NSD1: variants seen among roughly 807,000 people sequenced by gnomAD.
NSD1 encodes the protein histone-lysine N-methyltransferase, H3 lysine-36 specific.
A neutral mutation model predicts 242.7 loss-of-function variants in NSD1; 26 were observed. That is an observed-to-expected ratio of 0.11 (90% CI 0.08 to 0.15). The LOEUF (loss-of-function observed/expected upper bound fraction) is 0.15. Ranked by LOEUF, NSD1 falls within the 10% of genes least tolerant of loss-of-function variation. The pLI is 1.00. For synonymous variants in NSD1, 1,106 were observed against 1,178.1 expected, an observed-to-expected ratio of 0.94 and a Z score of 1.25; for missense variants, 2,495 against 3,272.8, an observed-to-expected ratio of 0.76 and a Z score of 5.80.
chr5:177,268,805 A>C (rs1757723720), intron 15 of NSD1, among the ~76,000 whole-genome samples: 1 of 152,098 alleles, frequency 6.6e-6, no homozygotes, highest in Non-Finnish European at 1.5e-5. Context: ...TATGCCCCTG[A>C]GATTCATCAT....
chr5:177,206,034 C>G (rs1428023973), intron 4 of NSD1, among the ~76,000 whole-genome samples: 1 of 152,090 alleles, frequency 6.6e-6, no homozygotes, highest in African/African-American at 2.4e-5. Flanking sequence ...GAGTCTTGCT[C>G]TGTCACCCAG....
chr5:177,221,195 GT>G (rs1764207911), intron 5 of NSD1, among the ~76,000 whole-genome samples: 1 of 152,096 alleles, frequency 6.6e-6, no homozygotes, highest in African/African-American at 2.4e-5. Flanking sequence ...TTTTGTTAAA[GT>G]AATTACAGAC....
chr5:177,233,583 T>C (rs1765224943), intron 5 of NSD1, among the ~76,000 whole-genome samples: 1 of 150,942 alleles, frequency 6.6e-6, no homozygotes, highest in Admixed American at 6.6e-5. Flanking sequence ...TTCACCATAT[T>C]GGCCAGGCTG....
chr5:177,194,104 TG>T (rs1761911497), intron 3 of NSD1, among the ~76,000 whole-genome samples: 1 of 152,122 alleles, frequency 6.6e-6, no homozygotes, highest in Non-Finnish European at 1.5e-5. Flanking sequence ...ATATACATAA[TG>T]TTTTTTCATA....
intron 2 of NSD1, among the ~76,000 whole-genome samples, chr5:177,185,790 TATATA>T (rs1474661586): frequency 7.6e-4 from 13 of 17,002 alleles, no homozygotes; most frequent in African/African-American, 6.0e-3. Flanking sequence ...ATATGTATAT[TATATA>T]TATATATATA....
rs183889929 is a variant in NSD1, at chr5:177,268,397, C to T, written c.5303+679C>T. On this transcript the variant is annotated intron_variant, in intron 15 of 22. Transcript: ENST00000439151. ...ATGCTAAATGACGAGTTAATGGGTG[C>T]AGCACACCAACATGGCACATGTATA... 4.0e-4 allele frequency among the ~76,000 whole-genome samples: 60 copies of T among 151,536 alleles called. 2 individuals carry two copies. The East Asian group carries it at 6.0e-3, about 15-fold the overall frequency.
chr5:177,297,930 C>T lies in NSD1; in HGVS notation c.*2471C>T, dbSNP rs910647113. ...TTCTGAGCCATTTTGGGGAGCAGTT[C>T]TTCATCTGAATGGATGGACATCTGG... On this transcript the variant is annotated 3_prime_UTR_variant, in exon 23 of 23. Coordinates refer to ENST00000439151, the MANE Select transcript of NSD1 (RefSeq NM_022455.5). 1.3e-4 allele frequency: 31 copies of T among 233,158 alleles called. No individual in the cohort carries two copies. The highest frequency in any genetic ancestry group is 6.6e-4 in the African/African-American group (30 of 45,408). The allele number at this position is 233,158 out of a possible 1,614,324, so 14.4% of individuals were successfully genotyped here. A position where few individuals can be genotyped will look rare whatever the true frequency, so the allele number is the denominator to read the frequency against.
intron 2 of NSD1, among the ~76,000 whole-genome samples, chr5:177,153,396 T>A (rs1489962930): frequency 2.0e-5 from 3 of 151,992 alleles, no homozygotes; most frequent in Non-Finnish European, 2.9e-5. Flanking sequence ...TTTTTTTTTT[T>A]ATTAAGTGGG....
chr5:177,239,194 C>T (rs1451842257), intron 7 of NSD1, among the ~76,000 whole-genome samples: 6 of 152,086 alleles, frequency 3.9e-5, no homozygotes, highest in African/African-American at 1.2e-4. Context: ...CTTAAAGAAA[C>T]GATTCCAATT....
rs775370657 is a variant in NSD1 at position 177,238,807 on chromosome 5, C to T, written c.4192+300C>T. On this transcript the variant is annotated intron_variant, in intron 7 of 22. Transcript: ENST00000439151. The surrounding 1 kb of genome is among the most constrained non-coding windows in gnomAD (Gnocchi z 4.6). Reference sequence around the variant, plus strand: ...GGATAACAGGGCTTCAAGAGGAGTACTGCACATTAGTGGAATAAGCACTAT... The same window carrying T: ...GGATAACAGGGCTTCAAGAGGAGTATTGCACATTAGTGGAATAAGCACTAT... Among the ~76,000 whole-genome samples the T allele has an allele frequency of 2.6e-5, 4 of 152,208 alleles. No homozygotes were observed. Among genetic ancestry groups the T allele is most frequent in the Admixed American group, 1.3e-4 (2 of 15,280 alleles).
At chr5:177,237,137 C>T (rs1765512020) in intron 6 of NSD1, among the ~76,000 whole-genome samples, 1 of 152,126 alleles carries the variant, frequency 6.6e-6, no homozygotes, top group South Asian at 2.1e-4. Context: ...GCCACCATGC[C>T]CAGCTTCCCT....
intron 3 of NSD1, among the ~76,000 whole-genome samples, chr5:177,195,453 GTC>G (rs142942152): frequency 6.6e-5 from 10 of 150,744 alleles, no homozygotes; most frequent in South Asian, 2.1e-4. Context: ...TCATTAGGGT[GTC>G]TCTCTCTCTC....
intron 13 of NSD1, 69 bp from the exon 14 acceptor site, chr5:177,259,920 T>A (rs1193922426): frequency 1.9e-6 from 3 of 1,544,050 alleles, no homozygotes; most frequent in Non-Finnish European, 1.8e-6. Context: ...TAGACTTGAA[T>A]AACTCACATT....
At chr5:177,254,178 C>T (rs375600138) in intron 12 of NSD1, among the ~76,000 whole-genome samples, 1 of 152,042 alleles carries the variant, frequency 6.6e-6, no homozygotes, top group African/African-American at 2.4e-5. Context: ...GACTCCTGAC[C>T]TCAGGTGGTC....
chr5:177,210,900 A>G lies in NSD1; in HGVS notation c.2501A>G (p.Asp834Gly), dbSNP rs1161456271. 6.2e-7 allele frequency: 1 copy of G among 1,614,190 alleles called. No individual in the cohort carries two copies. The highest frequency in any genetic ancestry group is 1.7e-5 in the Admixed American group (1 of 60,016). ...AGCATTTCTAAAAGTGGGAAAGTGG[A>G]TGGTCTAAAACTACTGAACAATATG... ...LASISKSGKVDGLKLLNNMHE... is the reference protein window; with the variant it reads ...LASISKSGKVGGLKLLNNMHE... Residue 834 changes from aspartate (D) to glycine (G), a missense_variant, in exon 5 of 23, where the codon GAT becomes GGT. This residue lies in a region of NSD1 where 121 missense variants were observed against 167.2 expected (regional missense o/e 0.72). Coordinates refer to ENST00000439151, the MANE Select transcript of NSD1 (RefSeq NM_022455.5).
chr5:177,178,037 G>A (rs1267680099), intron 2 of NSD1, among the ~76,000 whole-genome samples: 1 of 152,064 alleles, frequency 6.6e-6, no homozygotes, highest in Non-Finnish European at 1.5e-5. Flanking sequence ...TGGAACTACA[G>A]GCATGCGCTG....
At chr5:177,169,833 G>A (rs897926702) in intron 2 of NSD1, among the ~76,000 whole-genome samples, 4 of 152,108 alleles carry the variant, frequency 2.6e-5, no homozygotes, top group African/African-American at 9.7e-5. Context: ...AATTCCAACA[G>A]TGCAAAAACT....
intron 2 of NSD1, among the ~76,000 whole-genome samples, chr5:177,154,485 T>C (rs1388912308): frequency 1.3e-5 from 2 of 152,216 alleles, no homozygotes; most frequent in African/African-American, 2.4e-5. Flanking sequence ...TGAATAGATA[T>C]ATGATTAAAA....
At chr5:177,292,802 A>C (rs1402226002) in intron 22 of NSD1, among the ~76,000 whole-genome samples, 1 of 152,162 alleles carries the variant, frequency 6.6e-6, no homozygotes, top group Non-Finnish European at 1.5e-5. Context: ...TTGAGTAGTG[A>C]TTTGGGGTTA....
Sources: allele counts gnomAD v4.1 joint callset (sites outside exome capture counted in the v4.1 genomes callset), GRCh38; gene constraint gnomAD v4.1.1; regional missense constraint gnomAD v4.1.1; non-coding constraint Gnocchi (gnomAD v3.1); transcripts MANE v1.5; gene names NCBI Gene and HGNC (gene_info 2026-07-23, HGNC 2026-07-21).